Variants in TUSC3 observed in about 807,000 individuals in gnomAD.
The protein encoded by TUSC3 is tumor suppressor candidate 3, also known as dolichyl-diphosphooligosaccharide--protein glycosyltransferase subunit TUSC3.
Under a neutral mutation model 44.8 loss-of-function variants are expected in TUSC3, and 45 were observed. That is an observed-to-expected ratio of 1.00 (90% CI 0.79 to 1.29). TUSC3 has a LOEUF of 1.29. Ranked by LOEUF, TUSC3 falls within the 50% of genes most tolerant of loss-of-function variation. The pLI is 0.00. For missense variants in TUSC3, 519 were observed against 437.9 expected (o/e 1.19, Z -1.65); for synonymous variants, 212 against 152.9 (o/e 1.39, Z -2.85).
intron 2 of TUSC3, among the ~76,000 whole-genome samples, chr8:15,510,626 G>C (rs1319883543): frequency 6.6e-6 from 1 of 152,098 alleles, no homozygotes; most frequent in East Asian, 1.9e-4. Context: ...TCCAGGCCCA[G>C]ATGGCTCTCT....
At chr8:15,686,929 A>T (rs906328167) in intron 6 of TUSC3, among the ~76,000 whole-genome samples, 3 of 151,936 alleles carry the variant, frequency 2.0e-5, no homozygotes, top group Admixed American at 6.6e-5. Context: ...TTAGCCGGGC[A>T]TGGTGGCAGG....
chr8:15,780,119 C>G, the TUSC3 span, among the ~76,000 whole-genome samples: 2 of 152,182 alleles, frequency 1.3e-5, no homozygotes, highest in African/African-American at 2.4e-5. Context: ...CTCCTGACTT[C>G]ACTCACACAG....
At chr8:15,651,804 A>G (rs1806918229) in intron 3 of TUSC3, among the ~76,000 whole-genome samples, 1 of 152,202 alleles carries the variant, frequency 6.6e-6, no homozygotes, top group South Asian at 2.1e-4. Context: ...CTATAGAGCA[A>G]GGTATTAGAC....
chr8:15,665,734 A>C (rs2562743), intron 5 of TUSC3, among the ~76,000 whole-genome samples: 38,178 of 151,222 alleles, frequency 0.25, 5,073 homozygotes, highest in Non-Finnish European at 0.3. Flanking sequence ...AATATATGTA[A>C]ATATTAAAAC....
Position 15,496,672 on chromosome 8 carries a change from C to T in TUSC3, n.189+13189C>T, listed in dbSNP as rs570462628. Among the ~76,000 whole-genome samples, 44 of 152,176 alleles carry T rather than the reference C, an allele frequency of 2.9e-4. No individual in the cohort carries two copies. In the South Asian group the frequency reaches 3.1e-3, roughly 11 times the overall value. On this transcript the variant is annotated intron_variant and non_coding_transcript_variant, in intron 2 of 5. Transcript: ENST00000503191. ...GGGAGTAGGAACAGACCCTGAGAAA[C>T]GCATATGCTGTCTTGGATGGAAGAA...
intron 1 of TUSC3, among the ~76,000 whole-genome samples, chr8:15,482,072 C>T (rs975965927): frequency 2.0e-5 from 3 of 152,198 alleles, no homozygotes; most frequent in African/African-American, 4.8e-5. Context: ...ATGTTCATAG[C>T]TTCTTCACCA....
At chr8:15,637,036 G>A (rs368047055) in intron 2 of TUSC3, among the ~76,000 whole-genome samples, 1 of 152,112 alleles carries the variant, frequency 6.6e-6, no homozygotes, top group East Asian at 1.9e-4. Flanking sequence ...GCTATACTAT[G>A]TCTTACAGTT....
chr8:15,690,910 G>A (rs1017626995), intron 6 of TUSC3, among the ~76,000 whole-genome samples: 3 of 151,588 alleles, frequency 2.0e-5, no homozygotes, highest in Non-Finnish European at 4.4e-5. Flanking sequence ...TAGCATTGCA[G>A]TATAGTTTGA....
intron 1 of TUSC3, among the ~76,000 whole-genome samples, chr8:15,442,703 A>C (rs1800037066): frequency 6.6e-6 from 1 of 152,118 alleles, no homozygotes. Context: ...TCATCAGGAT[A>C]GGAAGACAGA....
At chr8:15,835,169 T>C in the TUSC3 span, among the ~76,000 whole-genome samples, 5 of 152,350 alleles carry the variant, frequency 3.3e-5, no homozygotes, top group African/African-American at 1.2e-4. Context: ...CTTTTTGAAA[T>C]CACTTTCATA....
At chr8:15,503,397 GA>G (rs1800996227) in intron 2 of TUSC3, among the ~76,000 whole-genome samples, 1 of 152,074 alleles carries the variant, frequency 6.6e-6, no homozygotes, top group Non-Finnish European at 1.5e-5. Flanking sequence ...GGCAGCCCTG[GA>G]AAACTAATAC....
rs188641455 is a variant in TUSC3, at chr8:15,593,246, T to G, written c.139-29834T>G. Among the ~76,000 whole-genome samples, 719 of 152,012 alleles carry G rather than the reference T, an allele frequency of 4.7e-3. 6 individuals are homozygous for G. Among genetic ancestry groups the G allele is most frequent in the African/African-American group, 0.016 (664 of 41,472 alleles). On this transcript the variant is annotated intron_variant, in intron 1 of 10. Coordinates refer to ENST00000503731, the MANE Select transcript of TUSC3 (RefSeq NM_006765.4). ...GATTATTGGCTCGTGCCACCACACC[T>G]GGCTAATTTTTGTAGTTTTAGTAGA...
the TUSC3 span, among the ~76,000 whole-genome samples, chr8:15,851,355 T>A: frequency 6.6e-6 from 1 of 152,208 alleles, no homozygotes; most frequent in Non-Finnish European, 1.5e-5. Flanking sequence ...AAAGGGACAA[T>A]GTACAATAGG....
intron 2 of TUSC3, among the ~76,000 whole-genome samples, chr8:15,648,946 C>G (rs567116726): frequency 3.9e-5 from 6 of 151,916 alleles, no homozygotes; most frequent in Non-Finnish European, 5.9e-5. Flanking sequence ...TAATAAAGTC[C>G]CTTTTCTCTG....
the TUSC3 span, among the ~76,000 whole-genome samples, chr8:15,800,725 C>G: frequency 2.0e-5 from 3 of 152,140 alleles, no homozygotes; most frequent in African/African-American, 7.2e-5. Flanking sequence ...TAAAAAGTGC[C>G]TTCTTAGTAT....
rs1418319170 is a variant in TUSC3, at chr8:15,583,071, A to C, written c.139-40009A>C. Among the ~76,000 whole-genome samples the C allele has an allele frequency of 3.9e-5, 6 of 152,340 alleles. No homozygotes were observed. In the East Asian group the frequency reaches 9.6e-4, roughly 24 times the overall value. ...CATGAAGTTGATCAATATGACTGGA[A>C]TACAAATGAGAATGAAAGGAGAGGC... is the stretch of plus-strand genomic sequence containing the variant. On this transcript the variant is annotated intron_variant, in intron 1 of 10. Coordinates refer to ENST00000503731, the MANE Select transcript of TUSC3 (RefSeq NM_006765.4).
intron 2 of TUSC3, among the ~76,000 whole-genome samples, chr8:15,635,765 G>A (rs1313427564): frequency 6.6e-6 from 1 of 152,162 alleles, no homozygotes; most frequent in Non-Finnish European, 1.5e-5. Context: ...AGAGTCTCAA[G>A]TCTAGTATTC....
chr8:15,464,730 T>C (rs1369319136), intron 1 of TUSC3, among the ~76,000 whole-genome samples: 1 of 152,224 alleles, frequency 6.6e-6, no homozygotes, highest in Admixed American at 6.5e-5. Context: ...AGCAAATTGA[T>C]GTATCATTTA....
intron 1 of TUSC3, among the ~76,000 whole-genome samples, chr8:15,453,206 G>A (rs902879773): frequency 2.0e-5 from 3 of 152,102 alleles, no homozygotes; most frequent in Admixed American, 6.5e-5. Context: ...AAGAATGTCT[G>A]TCCATATGAC....
Sources: allele counts gnomAD v4.1 joint callset (sites outside exome capture counted in the v4.1 genomes callset), GRCh38; gene constraint gnomAD v4.1.1; transcripts MANE v1.5; gene names NCBI Gene and HGNC (gene_info 2026-07-23, HGNC 2026-07-21).